CAPRIN2: variants seen among roughly 807,000 people sequenced by gnomAD.
CAPRIN2 encodes the protein caprin family member 2.
A neutral mutation model predicts 130.4 loss-of-function variants in CAPRIN2; 66 were observed. The observed-to-expected ratio is 0.51, with a 90% CI of 0.42 to 0.62. CAPRIN2 has a LOEUF of 0.62. Ranked by LOEUF, CAPRIN2 falls within the 20% of genes least tolerant of loss-of-function variation. The pLI, the probability that CAPRIN2 is intolerant of heterozygous loss-of-function variation, is 0.00. For missense variants in CAPRIN2, 1,185 were observed against 1,246.6 expected (o/e 0.95, Z 0.74); for synonymous variants, 471 against 444.1 (o/e 1.06, Z -0.76).
Position 30,745,679 on chromosome 12 carries a change from G to A in CAPRIN2, c.484-4573C>T, listed in dbSNP as rs1035327860. Among the ~76,000 whole-genome samples, 4 of 151,692 alleles carry A rather than the reference G, an allele frequency of 2.6e-5. No individual in the cohort carries two copies. In the South Asian group the frequency reaches 8.3e-4, roughly 32 times the overall value. On this transcript the variant is annotated intron_variant, in intron 2 of 16. Transcript: ENST00000298892. ...AAAATTCAGTCTTCAAGAAATTTTA[G>A]AAAATTTTCACAATTTGAAAAAGCA...
At chr12:30,715,012 G>A (rs1350839560) in exon 14 of CAPRIN2, 2 of 1,613,982 alleles carry the variant, frequency 1.2e-6, no homozygotes, top group African/African-American at 1.3e-5. Context: ...CCCACCACGA[G>A]TACATCCTCT....
At chr12:30,753,434 A>G in exon 1 of CAPRIN2, 1 of 1,614,166 alleles carries the variant, frequency 6.2e-7, no homozygotes. Context: ...GAGATGCAGC[A>G]GAACTCAGAG....
At chr12:30,736,224 TA>T (rs1211502573) in intron 3 of CAPRIN2, among the ~76,000 whole-genome samples, 12 of 151,984 alleles carry the variant, frequency 7.9e-5, no homozygotes, top group Admixed American at 6.5e-4. Context: ...AGCTTAGAAC[TA>T]TAATACCTTA....
chr12:30,719,060 A>G lies in CAPRIN2; in HGVS notation c.2148+1751T>C, dbSNP rs765303047. 6.8e-6 allele frequency: 11 copies of G among 1,608,160 alleles called. No individual in the cohort carries two copies. The highest frequency in any genetic ancestry group is 7.7e-6 in the Non-Finnish European group (9 of 1,176,140). Reference sequence around the variant, plus strand: ...ACAGGAATAATGAACTGCAATCATCATTCATGTTTCATACTCACTGTCTGC... The same window carrying G: ...ACAGGAATAATGAACTGCAATCATCGTTCATGTTTCATACTCACTGTCTGC... On this transcript the variant is annotated intron_variant, in intron 12 of 16. Coordinates refer to ENST00000298892, the Ensembl canonical transcript of CAPRIN2.
chr12:30,722,793 G>A (rs1381602927), intron 11 of CAPRIN2, among the ~76,000 whole-genome samples: 9 of 152,124 alleles, frequency 5.9e-5, no homozygotes, highest in Middle Eastern at 3.4e-3. Flanking sequence ...CCAGCTACTC[G>A]GGAGGCTGAG....
rs1175897326 is a variant in CAPRIN2, at chr12:30,710,807, T to C, written c.2666-337A>G. The stretch of plus-strand genomic sequence containing the variant: ...TCTTCCTCCCATAATTCTTAATTTC[T>C]CAGAGGTCATTCTACAAAGCACCTA... On this transcript the variant is annotated intron_variant, in intron 16 of 16. Transcript: ENST00000298892. The surrounding 1 kb of genome is among the most constrained non-coding windows in gnomAD (Gnocchi z 4.8). Among the ~76,000 whole-genome samples the C allele has an allele frequency of 6.6e-6, 1 of 152,180 alleles. No individual in the cohort carries two copies. Among genetic ancestry groups the C allele is most frequent in the Non-Finnish European group, 1.5e-5 (1 of 68,038 alleles).
intron 12 of CAPRIN2, among the ~76,000 whole-genome samples, chr12:30,718,589 C>G (rs1196934430): frequency 1.3e-5 from 2 of 152,084 alleles, no homozygotes; most frequent in African/African-American, 4.8e-5. Context: ...TAGAAAAATA[C>G]GTAATTCAAA....
intron 2 of CAPRIN2, among the ~76,000 whole-genome samples, chr12:30,750,140 C>T (rs2073016138): frequency 1.3e-5 from 2 of 152,194 alleles, no homozygotes; most frequent in African/African-American, 4.8e-5. Context: ...GCTAAGTGAG[C>T]GCACCATTTG....
chr12:30,750,768 T>G (rs1315711172), intron 2 of CAPRIN2, among the ~76,000 whole-genome samples: 1 of 152,192 alleles, frequency 6.6e-6, no homozygotes, highest in East Asian at 1.9e-4. Flanking sequence ...TCTCTTCTCC[T>G]TCAGTCCACT....
chr12:30,737,166 G>A (rs1014748328), intron 3 of CAPRIN2, among the ~76,000 whole-genome samples: 2 of 151,670 alleles, frequency 1.3e-5, no homozygotes, highest in Non-Finnish European at 2.9e-5. Flanking sequence ...CACCATGCCT[G>A]GCTAATTTTT....
exon 1 of CAPRIN2, chr12:30,753,445 T>G: frequency 3.7e-6 from 6 of 1,614,032 alleles, no homozygotes; most frequent in Non-Finnish European, 3.4e-6. Context: ...GAACTCAGAG[T>G]AGACTGCAGG....
At chr12:30,730,568 C>T (rs2062338008) in intron 6 of CAPRIN2, among the ~76,000 whole-genome samples, 1 of 152,066 alleles carries the variant, frequency 6.6e-6, no homozygotes, top group Non-Finnish European at 1.5e-5. Flanking sequence ...TTTCTTCTTA[C>T]CCTAAAACAC....
chr12:30,728,571 G>T, intron 8 of CAPRIN2, 77 bp downstream of exon 9: 109 of 818,064 alleles, frequency 1.3e-4, no homozygotes, highest in Non-Finnish European at 1.7e-4. Context: ...AAAAAAAAAA[G>T]AGAACTAAAA....
intron 6 of CAPRIN2, among the ~76,000 whole-genome samples, chr12:30,731,059 T>A (rs912948808): frequency 6.6e-6 from 1 of 152,204 alleles, no homozygotes; most frequent in Admixed American, 6.5e-5. Context: ...CTACTAGTAG[T>A]TTAACAGAGA....
At chr12:30,711,842 G>A (rs886909018) in intron 15 of CAPRIN2, 16 of 676,348 alleles carry the variant, frequency 2.4e-5, no homozygotes, top group Non-Finnish European at 4.3e-5. Flanking sequence ...TAATTAACCT[G>A]ACCAATCAGA....
intron 3 of CAPRIN2, among the ~76,000 whole-genome samples, chr12:30,738,757 CTT>C (rs1270370700): frequency 1.8e-4 from 27 of 152,224 alleles, no homozygotes; most frequent in Non-Finnish European, 8.8e-5. Flanking sequence ...TGAATAGACA[CTT>C]TTCAAAAGAA....
At chr12:30,723,884 A>C (rs1048227588) in intron 10 of CAPRIN2, among the ~76,000 whole-genome samples, 4 of 152,242 alleles carry the variant, frequency 2.6e-5, no homozygotes, top group Non-Finnish European at 5.9e-5. Flanking sequence ...GACTAGCTTT[A>C]TGTCACTCCT....
rs2063462711 is a variant in CAPRIN2, at chr12:30,733,589, T to A, written c.892+40A>T. On this transcript the variant is annotated intron_variant, in intron 5 of 16. Transcript: ENST00000298892. ...CATACTAAACTTCTAGACATAAAGT[T>A]TAGTATTTACTGCATAAGTCCAGAG... 5 of 1,340,224 alleles carry A rather than the reference T, an allele frequency of 3.7e-6. No individual in the cohort carries two copies. The South Asian group carries it at 5.8e-5, about 16-fold the overall frequency. 83.0% of individuals were successfully genotyped at this position (1,340,224 alleles called of 1,614,324 possible). A position where few individuals can be genotyped will look rare whatever the true frequency, so the allele number is the denominator to read the frequency against.
At chr12:30,751,818 T>G (rs1245689528) in intron 1 of CAPRIN2, among the ~76,000 whole-genome samples, 1 of 152,180 alleles carries the variant, frequency 6.6e-6, no homozygotes, top group Non-Finnish European at 1.5e-5. Flanking sequence ...ATCTTGAAGT[T>G]ATTTTTCATA....
Sources: allele counts gnomAD v4.1 joint callset (sites outside exome capture counted in the v4.1 genomes callset), GRCh38; gene constraint gnomAD v4.1.1; non-coding constraint Gnocchi (gnomAD v3.1); transcripts MANE v1.5; gene names NCBI Gene and HGNC (gene_info 2026-07-23, HGNC 2026-07-21).